Variants in FER observed in about 807,000 individuals in gnomAD.
FER encodes FER tyrosine kinase.
A neutral mutation model predicts 111.0 loss-of-function variants in FER; 63 were observed. The observed-to-expected ratio is 0.57, with a 90% CI of 0.46 to 0.70. The LOEUF is 0.70. FER is among the 30% of genes least tolerant of loss of function. FER has a pLI of 0.00. For synonymous variants in FER, 327 were observed against 313.9 expected, an observed-to-expected ratio of 1.04 and a Z score of -0.44; for missense variants, 914 against 954.0, an observed-to-expected ratio of 0.96 and a Z score of 0.55.
At chr5:109,127,538 G>A (rs1325265995) in intron 17 of FER, among the ~76,000 whole-genome samples, 1 of 151,978 alleles carries the variant, frequency 6.6e-6, no homozygotes, top group Non-Finnish European at 1.5e-5. Flanking sequence ...TGAGTAGCTG[G>A]GATTACAGGC....
chr5:108,986,955 G>A (rs1762640375), intron 13 of FER, among the ~76,000 whole-genome samples: 1 of 150,520 alleles, frequency 6.6e-6, no homozygotes, highest in Non-Finnish European at 1.5e-5. Flanking sequence ...GTGAGTTTTA[G>A]GATTTTTTTT....
At chr5:108,995,242 G>T (rs755819596) in intron 13 of FER, among the ~76,000 whole-genome samples, 10 of 152,014 alleles carry the variant, frequency 6.6e-5, no homozygotes, top group Non-Finnish European at 1.3e-4. Flanking sequence ...ATTGACTGTT[G>T]TTTTGTCATA....
intron 13 of FER, among the ~76,000 whole-genome samples, chr5:108,998,721 G>T (rs1764333928): frequency 6.6e-6 from 1 of 152,098 alleles, no homozygotes; most frequent in Non-Finnish European, 1.5e-5. Context: ...TAAACATGTG[G>T]TTTTTGTCTT....
chr5:109,141,934 G>GCCTA (rs149250544), intron 17 of FER, among the ~76,000 whole-genome samples: 17,153 of 152,144 alleles, frequency 0.11, 935 homozygotes, highest in Non-Finnish European at 0.12. Flanking sequence ...CAGCATAAAA[G>GCCTA]CCTACAGACA....
At chr5:108,997,711 C>G (rs1224378529) in intron 13 of FER, among the ~76,000 whole-genome samples, 1 of 152,072 alleles carries the variant, frequency 6.6e-6, no homozygotes, top group Non-Finnish European at 1.5e-5. Flanking sequence ...ACGGTTATGT[C>G]TGCTGAAGCT....
chr5:108,859,246 C>A (rs1763284279), intron 5 of FER, among the ~76,000 whole-genome samples: 1 of 152,122 alleles, frequency 6.6e-6, no homozygotes, highest in Admixed American at 6.5e-5. Context: ...TCTACCACTA[C>A]AGTTTTTCAG....
At chr5:108,769,956 AT>A (rs978235925) in intron 2 of FER, among the ~76,000 whole-genome samples, 20 of 148,178 alleles carry the variant, frequency 1.3e-4, no homozygotes, top group Non-Finnish European at 2.2e-4. Context: ...GATGATGATG[AT>A]TTTTTTTTGA....
At chr5:109,184,205 A>G (rs1393743496) in intron 18 of FER, among the ~76,000 whole-genome samples, 1 of 152,212 alleles carries the variant, frequency 6.6e-6, no homozygotes, top group Non-Finnish European at 1.5e-5. Context: ...GGGCTGATAT[A>G]TCCTCTAATT....
chr5:108,754,406 C>CAA (rs34475850), intron 1 of FER, among the ~76,000 whole-genome samples: 3,470 of 86,256 alleles, frequency 0.04, 105 homozygotes, highest in Middle Eastern at 0.058. Context: ...GTCCCTGTCT[C>CAA]AAAAAAAAAA....
At chr5:109,052,319 C>T in intron 16 of FER, 2 of 1,605,454 alleles carry the variant, frequency 1.2e-6, no homozygotes, top group East Asian at 4.5e-5. Context: ...GACTGCTCAT[C>T]TCCCCAGGCT....
At position 109,187,573 on chromosome 5, in the gene FER, T is replaced by C. The variant is rs1759024235; in HGVS notation, c.2467T>C (p.Ter823GlnextTer1). 4.3e-6 allele frequency: 7 copies of C among 1,613,970 alleles called. No individual in the cohort carries two copies. Among genetic ancestry groups the C allele is most frequent in the Middle Eastern group, 1.6e-4 (1 of 6,082 alleles). ...ELTIIKRKLT[*>Q] ...CACTATCATCAAGAGAAAACTCACA[T>C]AGTGACAGGATGGCGCCAAACTCAG... The change falls in exon 20 of 20, where the codon TAG becomes CAG. Residue 823 changes from the stop codon to glutamine (Q), a stop_lost. Coordinates refer to ENST00000281092, the MANE Select transcript of FER (RefSeq NM_005246.4).
intron 13 of FER, among the ~76,000 whole-genome samples, chr5:108,982,751 T>G (rs1762145729): frequency 6.6e-6 from 1 of 152,112 alleles, no homozygotes; most frequent in African/African-American, 2.4e-5. Context: ...CTATGAAGAT[T>G]ATTTCTTCAG....
intron 2 of FER, among the ~76,000 whole-genome samples, chr5:108,780,756 C>T (rs1753975658): frequency 6.6e-6 from 1 of 151,744 alleles, no homozygotes; most frequent in African/African-American, 2.4e-5. Flanking sequence ...TTTTGGTATT[C>T]CCATTACATG....
At chr5:108,820,073 A>G in intron 3 of FER, 2 of 984,992 alleles carry the variant, frequency 2.0e-6, no homozygotes, top group Non-Finnish European at 2.4e-6. Context: ...GAATATAAAA[A>G]AAAGAAGCTA....
At position 108,790,275 on chromosome 5, in the gene FER, T is replaced by A. The variant is rs997375309; in HGVS notation, c.-59-7849T>A. On this transcript the variant is annotated intron_variant, in intron 2 of 19. Coordinates refer to ENST00000281092, the MANE Select transcript of FER (RefSeq NM_005246.4). Reference sequence around the variant, plus strand: ...CACACACACACACACACACACACACTCTTACATACATATACATATGTGATT... The same window carrying A: ...CACACACACACACACACACACACACACTTACATACATATACATATGTGATT... Among the ~76,000 whole-genome samples, 401 of 105,140 alleles carry A rather than the reference T, an allele frequency of 3.8e-3. 1 individual carries two copies. The highest frequency in any genetic ancestry group is 0.016 in the African/African-American group (376 of 23,176). The allele number at this position is 105,140 out of a possible 152,430, so 69.0% of individuals were successfully genotyped here.
At chr5:108,948,844 G>A (rs1451408300) in intron 11 of FER, among the ~76,000 whole-genome samples, 1 of 152,012 alleles carries the variant, frequency 6.6e-6, no homozygotes, top group Non-Finnish European at 1.5e-5. Context: ...TCTGATAGTA[G>A]CAGTCTTTGA....
chr5:108,973,618 G>T (rs894834671), intron 13 of FER, among the ~76,000 whole-genome samples: 3 of 152,000 alleles, frequency 2.0e-5, no homozygotes, highest in African/African-American at 7.2e-5. Context: ...TTGATTGATA[G>T]TTATTTAAAT....
chr5:108,958,054 C>T (rs1429905263), intron 12 of FER, among the ~76,000 whole-genome samples: 1 of 151,696 alleles, frequency 6.6e-6, no homozygotes, highest in African/African-American at 2.4e-5. Context: ...CAAACACTAA[C>T]TGCCCTTGAG....
chr5:109,172,437 G>A (rs969289920), intron 17 of FER, among the ~76,000 whole-genome samples: 2 of 131,370 alleles, frequency 1.5e-5, no homozygotes, highest in African/African-American at 5.8e-5. Flanking sequence ...TGAACAATGA[G>A]AACACATGGA....
Sources: allele counts gnomAD v4.1 joint callset (sites outside exome capture counted in the v4.1 genomes callset), GRCh38; gene constraint gnomAD v4.1.1; transcripts MANE v1.5; gene names NCBI Gene and HGNC (gene_info 2026-07-23, HGNC 2026-07-21).